SRGAP1: variants seen among roughly 807,000 people sequenced by gnomAD.
The protein encoded by SRGAP1 is SLIT-ROBO Rho GTPase-activating protein 1.
SRGAP1 carries 43 observed loss-of-function variants against 121.9 expected under a neutral mutation model. That is an observed-to-expected ratio of 0.35 (90% CI 0.28 to 0.46). The LOEUF is 0.46. Ranked by LOEUF, SRGAP1 falls within the 20% of genes least tolerant of loss-of-function variation. The pLI is 1.00. For synonymous variants in SRGAP1, 447 were observed against 485.4 expected (o/e 0.92, Z 1.04); for missense variants, 1,102 against 1,350.9 (o/e 0.82, Z 2.89).
intron 17 of SRGAP1, among the ~76,000 whole-genome samples, chr12:64,115,456 G>A (rs2036502731): frequency 6.6e-6 from 1 of 151,962 alleles, no homozygotes; most frequent in Non-Finnish European, 1.5e-5. Context: ...AGTAGCAATT[G>A]CTCATTATTA....
intron 1 of SRGAP1, among the ~76,000 whole-genome samples, chr12:63,927,121 T>C (rs2031289529): frequency 6.6e-6 from 1 of 152,180 alleles, no homozygotes; most frequent in Admixed American, 6.5e-5. Context: ...ACTATATACA[T>C]ACGTATTTCA....
chr12:63,966,130 T>C lies in SRGAP1; in HGVS notation c.68-17817T>C, dbSNP rs111577830. 6.3e-3 allele frequency among the ~76,000 whole-genome samples: 965 copies of C among 152,282 alleles called. 8 individuals carry two copies. Among genetic ancestry groups the C allele is most frequent in the African/African-American group, 0.022 (918 of 41,562 alleles). ...ACACCGTGCCCAGCCAAAAGTGCAT[T>C]TTTCATAGGCATAATCACTACCCCA... On this transcript the variant is annotated intron_variant, in intron 1 of 21. Transcript: ENST00000355086.
At chr12:63,901,400 A>T (rs968969674) in intron 1 of SRGAP1, among the ~76,000 whole-genome samples, 1 of 152,194 alleles carries the variant, frequency 6.6e-6, no homozygotes, top group Non-Finnish European at 1.5e-5. Context: ...ATTTTGGTAC[A>T]TGCTGAGCTC....
chr12:63,934,863 AT>A (rs1463268927), intron 1 of SRGAP1, among the ~76,000 whole-genome samples: 1 of 151,946 alleles, frequency 6.6e-6, no homozygotes, highest in East Asian at 1.9e-4. Flanking sequence ...ACCTCACCTC[AT>A]TTTTTTTCCC....
chr12:63,913,454 C>T (rs1395097253), intron 1 of SRGAP1, among the ~76,000 whole-genome samples: 36 of 124,094 alleles, frequency 2.9e-4, no homozygotes, highest in South Asian at 1.1e-3. Context: ...ACTGTGTCCA[C>T]ATATATATAT....
At chr12:64,081,917 A>T (rs951658595) in intron 10 of SRGAP1, 1 of 151,678 alleles carries the variant, frequency 6.6e-6, no homozygotes, top group Admixed American at 6.6e-5. Flanking sequence ...CTTTAAAAAA[A>T]AAAAAAAGTC....
At chr12:64,028,807 C>G (rs891866701) in intron 4 of SRGAP1, among the ~76,000 whole-genome samples, 2 of 152,154 alleles carry the variant, frequency 1.3e-5, no homozygotes, top group African/African-American at 4.8e-5. Flanking sequence ...GTTAGGATTT[C>G]AACATATGAC....
At chr12:63,848,472 C>A (rs1196926701) in intron 1 of SRGAP1, among the ~76,000 whole-genome samples, 1 of 152,026 alleles carries the variant, frequency 6.6e-6, no homozygotes, top group Non-Finnish European at 1.5e-5. Flanking sequence ...TTGGGCAAGT[C>A]ACTTAGCCTT....
intron 1 of SRGAP1, among the ~76,000 whole-genome samples, chr12:63,858,020 T>C (rs1899312037): frequency 6.6e-6 from 1 of 152,254 alleles, no homozygotes; most frequent in Middle Eastern, 3.2e-3. Context: ...ACTTGAAGTT[T>C]TAATCATTAA....
chr12:63,964,541 C>T (rs1162571435), intron 1 of SRGAP1, among the ~76,000 whole-genome samples: 2 of 152,092 alleles, frequency 1.3e-5, no homozygotes, highest in African/African-American at 2.4e-5. Flanking sequence ...TCTCAATTGA[C>T]CCTTTCCAGT....
intron 4 of SRGAP1, among the ~76,000 whole-genome samples, chr12:64,023,608 A>G (rs914958787): frequency 6.6e-6 from 1 of 152,222 alleles, no homozygotes; most frequent in Admixed American, 6.5e-5. Context: ...TGATAAATCC[A>G]TGTGAAATTG....
intron 21 of SRGAP1, among the ~76,000 whole-genome samples, chr12:64,141,592 A>G (rs190748451): frequency 1.3e-5 from 2 of 152,252 alleles, no homozygotes; most frequent in Non-Finnish European, 2.9e-5. Flanking sequence ...GGGGGGAAAA[A>G]GTTGAAAATC....
intron 1 of SRGAP1, among the ~76,000 whole-genome samples, chr12:63,979,348 TA>T (rs1221723409): frequency 6.6e-6 from 1 of 152,152 alleles, no homozygotes; most frequent in African/African-American, 2.4e-5. Context: ...TGTCCATTTT[TA>T]AAATTGAGAT....
At chr12:63,937,671 G>A (rs904548986) in intron 1 of SRGAP1, among the ~76,000 whole-genome samples, 4 of 152,174 alleles carry the variant, frequency 2.6e-5, no homozygotes, top group Non-Finnish European at 4.4e-5. Flanking sequence ...GACCTTTAGC[G>A]TGAGAACAAT....
At chr12:63,950,519 G>T (rs1237280381) in intron 1 of SRGAP1, among the ~76,000 whole-genome samples, 2 of 151,968 alleles carry the variant, frequency 1.3e-5, no homozygotes, top group African/African-American at 2.4e-5. Context: ...TGCTGCACAT[G>T]GTGTCTAGGT....
Position 64,147,279 on chromosome 12 carries a change from G to A in SRGAP1, c.*4607G>A, listed in dbSNP as rs1199145921. The A allele has an allele frequency of 2.6e-6, 1 of 391,814 alleles. No homozygotes were observed. The highest frequency in any genetic ancestry group is 4.5e-6 in the Non-Finnish European group (1 of 222,374). 24.3% of individuals were successfully genotyped at this position (391,814 alleles called of 1,614,324 possible). On this transcript the variant is annotated 3_prime_UTR_variant, in exon 22 of 22. Transcript: ENST00000355086. ...CTAATTGTGTCAATGTACATCTGTA[G>A]TATGTACATGTGAAAGTGCCTTTCT... is the stretch of plus-strand genomic sequence containing the variant.
intron 1 of SRGAP1, among the ~76,000 whole-genome samples, chr12:63,971,385 G>A (rs2032942757): frequency 6.6e-6 from 1 of 152,140 alleles, no homozygotes; most frequent in African/African-American, 2.4e-5. Context: ...CCCACTACCT[G>A]GAAGATGCTC....
At chr12:64,075,279 T>G (rs989909123) in intron 8 of SRGAP1, among the ~76,000 whole-genome samples, 1 of 152,264 alleles carries the variant, frequency 6.6e-6, no homozygotes, top group East Asian at 1.9e-4. Flanking sequence ...GCTAGTTAAC[T>G]GCAGCAGGAG....
At chr12:64,066,630 T>G (rs560137472) in intron 8 of SRGAP1, among the ~76,000 whole-genome samples, 1 of 152,208 alleles carries the variant, frequency 6.6e-6, no homozygotes, top group Non-Finnish European at 1.5e-5. Flanking sequence ...TATAATTTGG[T>G]CAAAACCCAT....
Sources: allele counts gnomAD v4.1 joint callset (sites outside exome capture counted in the v4.1 genomes callset), GRCh38; gene constraint gnomAD v4.1.1; transcripts MANE v1.5; gene names NCBI Gene and HGNC (gene_info 2026-07-23, HGNC 2026-07-21).